Variants in CASP8 observed in about 807,000 individuals in gnomAD.
CASP8 encodes the protein caspase 8, also known as caspase-8.
A neutral mutation model predicts 46.3 loss-of-function variants in CASP8; 24 were observed. The ratio of observed to expected loss-of-function variants is 0.52; its 90% CI spans 0.38 to 0.73. CASP8 has a LOEUF of 0.73. CASP8 is among the 30% of genes least tolerant of loss of function. CASP8 has a pLI of 0.00. For missense variants in CASP8, 460 were observed against 559.0 expected, an observed-to-expected ratio of 0.82 and a Z score of 1.79; for synonymous variants, 188 against 200.4, an observed-to-expected ratio of 0.94 and a Z score of 0.52.
intron 7 of CASP8, chr2:201,281,805 A>T: frequency 7.2e-7 from 1 of 1,380,350 alleles, no homozygotes; most frequent in Non-Finnish European, 9.7e-7. Context: ...ACCAACAATA[A>T]CACTCTCTCC....
chr2:201,259,005 T>C (rs1947199955), upstream of CASP8, among the ~76,000 whole-genome samples: 1 of 152,206 alleles, frequency 6.6e-6, no homozygotes, highest in African/African-American at 2.4e-5. Context: ...AAGTAATTCC[T>C]CTGTGCCTCT....
At chr2:201,246,194 G>A (rs6760993) in intron 2 of CASP8, among the ~76,000 whole-genome samples, 78,645 of 152,046 alleles carry the variant, frequency 0.52, 20,989 homozygotes, top group African/African-American at 0.62. Context: ...GCCTGTTGGT[G>A]GTTCTGGATT....
upstream of CASP8, among the ~76,000 whole-genome samples, chr2:201,260,269 G>A (rs1252661066): frequency 6.6e-6 from 1 of 152,122 alleles, no homozygotes; most frequent in African/African-American, 2.4e-5. Flanking sequence ...CCAGTCCAAC[G>A]TCCTTGTTTT....
chr2:201,258,416 A>G (rs555226158), upstream of CASP8: 16 of 1,613,102 alleles, frequency 9.9e-6, no homozygotes, highest in Non-Finnish European at 1.3e-5. Flanking sequence ...CCTCTTCAAC[A>G]GGAAACCACA....
intron 2 of CASP8, among the ~76,000 whole-genome samples, chr2:201,239,429 C>G (rs1452101469): frequency 6.6e-6 from 1 of 152,214 alleles, no homozygotes; most frequent in East Asian, 1.9e-4. Flanking sequence ...GACGGGGCGG[C>G]TTCCTTACTT....
chr2:201,242,471 A>T (rs1006885334), intron 2 of CASP8: 1 of 152,278 alleles, frequency 6.6e-6, no homozygotes, highest in South Asian at 2.1e-4. Context: ...GATTTCTTTT[A>T]TAAGGCACTA....
chr2:201,236,179 C>T lies in CASP8; in HGVS notation c.-27+2067C>T, dbSNP rs114593917. Among the ~76,000 whole-genome samples, 672 of 152,226 alleles carry T rather than the reference C, an allele frequency of 4.4e-3. 10 individuals carry two copies. The highest frequency in any genetic ancestry group is 0.016 in the African/African-American group (648 of 41,540). On this transcript the variant is annotated intron_variant, in intron 2 of 6. Transcript: ENST00000264274. ...TTCGTATGCCCTCTTGAATCCTGTC[C>T]TCCTGCCCCTCCCCACCCCTGCTCC...
chr2:201,286,204 A>G (rs1256560766), intron 8 of CASP8, among the ~76,000 whole-genome samples: 1 of 152,210 alleles, frequency 6.6e-6, no homozygotes, highest in Non-Finnish European at 1.5e-5. Context: ...AGAGAAAGAA[A>G]CCAACTCTAA....
At chr2:201,249,878 G>C (rs1441391267) in intron 2 of CASP8, among the ~76,000 whole-genome samples, 1 of 152,200 alleles carries the variant, frequency 6.6e-6, no homozygotes, top group Non-Finnish European at 1.5e-5. Context: ...ATATTGTAGG[G>C]GAGGGCAAAT....
intron 7 of CASP8, 40 bp downstream of exon 7, chr2:201,277,008 A>T: frequency 1.4e-6 from 2 of 1,453,760 alleles, no homozygotes; most frequent in Non-Finnish European, 1.9e-6. Context: ...AATATTTCTT[A>T]TGCCTATTTT....
At chr2:201,279,403 T>C (rs1437600845) in intron 7 of CASP8, among the ~76,000 whole-genome samples, 2 of 152,152 alleles carry the variant, frequency 1.3e-5, no homozygotes, top group East Asian at 3.9e-4. Flanking sequence ...TAAACCAACT[T>C]GGTTCCAAGA....
In CASP8 at chr2:201,280,046, G is replaced by GA. The variant is rs779675468; in HGVS notation, c.802+3084dup. On this transcript the variant is annotated intron_variant, in intron 7 of 8. Transcript: ENST00000673742. ...ATGAATGAAAAAAAGATAATGTTGA[G>GA]AAAAAAGCAACCTTTTTTAATGCTT... 9.5e-4 allele frequency among the ~76,000 whole-genome samples: 145 copies of GA among 152,010 alleles called. 1 individual carries two copies. Among genetic ancestry groups the GA allele is most frequent in the Non-Finnish European group, 1.8e-3 (122 of 68,010 alleles).
intron 2 of CASP8, among the ~76,000 whole-genome samples, chr2:201,255,182 C>T (rs1946959824): frequency 6.6e-6 from 1 of 152,136 alleles, no homozygotes. Context: ...CTCCTGGGCT[C>T]AAGTGAGTCT....
chr2:201,286,249 T>C (rs1026561460), intron 8 of CASP8, among the ~76,000 whole-genome samples: 1 of 152,178 alleles, frequency 6.6e-6, no homozygotes, highest in Admixed American at 6.5e-5. Context: ...TCAAAAGAGT[T>C]CCTGAATAAA....
chr2:201,238,177 G>A (rs987492561), intron 2 of CASP8, among the ~76,000 whole-genome samples: 1 of 152,096 alleles, frequency 6.6e-6, no homozygotes, highest in African/African-American at 2.4e-5. Flanking sequence ...AAGTATGAGG[G>A]AACAACAGGA....
chr2:201,278,735 T>C (rs1474594955), intron 7 of CASP8, among the ~76,000 whole-genome samples: 5 of 152,144 alleles, frequency 3.3e-5, no homozygotes, highest in South Asian at 4.2e-4. Context: ...TTTCACCATG[T>C]TGGTCAGGCT....
chr2:201,281,212 G>A (rs1388282887), intron 7 of CASP8, among the ~76,000 whole-genome samples: 1 of 152,118 alleles, frequency 6.6e-6, no homozygotes, highest in Non-Finnish European at 1.5e-5. Context: ...TGCTTGGGAG[G>A]CTGAGGCAGG....
chr2:201,251,152 T>C (rs1946760693), intron 2 of CASP8, among the ~76,000 whole-genome samples: 1 of 152,250 alleles, frequency 6.6e-6, no homozygotes, highest in South Asian at 2.1e-4. Flanking sequence ...TCCATTCATT[T>C]ATTGAGGGAC....
intron 2 of CASP8, among the ~76,000 whole-genome samples, chr2:201,268,145 G>A (rs1175746553): frequency 3.9e-5 from 6 of 152,144 alleles, no homozygotes; most frequent in East Asian, 1.9e-4. Flanking sequence ...GGCTGGTCTC[G>A]AACTCCTGAC....
Sources: gnomAD v4.1 joint callset for allele counts (sites outside exome capture counted in the v4.1 genomes callset) on GRCh38, gnomAD v4.1.1 for gene constraint, MANE v1.5 for transcripts, NCBI Gene and HGNC (gene_info 2026-07-23, HGNC 2026-07-21) for gene names.